Variants in TP73 observed in about 807,000 individuals in gnomAD.
TP73 encodes the protein tumor protein p73.
TP73 carries 25 observed loss-of-function variants against 62.5 expected under a neutral mutation model. The ratio of observed to expected loss-of-function variants is 0.40; its 90% CI spans 0.29 to 0.56. The LOEUF is 0.56. TP73 is among the 20% of genes least tolerant of loss of function. The pLI, the probability that TP73 is intolerant of heterozygous loss-of-function variation, is 0.46. For synonymous variants in TP73, 423 were observed against 377.5 expected (o/e 1.12, Z -1.40); for missense variants, 754 against 913.3 (o/e 0.83, Z 2.25).
At chr1:3,677,024 C>T (rs376696077) in intron 1 of TP73, among the ~76,000 whole-genome samples, 17 of 152,046 alleles carry the variant, frequency 1.1e-4, no homozygotes, top group African/African-American at 3.6e-4. Flanking sequence ...TAGGCTGAGA[C>T]CTCAGAAGGC....
intron 1 of TP73, among the ~76,000 whole-genome samples, chr1:3,679,147 G>A (rs543903384): frequency 3.5e-4 from 53 of 152,230 alleles, no homozygotes; most frequent in Non-Finnish European, 6.5e-4. Flanking sequence ...AGGCAGAGGC[G>A]CGCTGACAAG....
chr1:3,683,460 TAGATCC>T (rs1406590807), intron 3 of TP73, among the ~76,000 whole-genome samples: 2 of 152,076 alleles, frequency 1.3e-5, no homozygotes, highest in Non-Finnish European at 1.5e-5. Flanking sequence ...CAGGCACAGC[TAGATCC>T]AGATGTAGGA....
intron 4 of TP73, among the ~76,000 whole-genome samples, chr1:3,715,254 C>T (rs1029517311): frequency 3.9e-5 from 6 of 152,146 alleles, no homozygotes; most frequent in African/African-American, 1.4e-4. Flanking sequence ...CATGTCCCAC[C>T]TGACACCTCT....
intron 11 of TP73, among the ~76,000 whole-genome samples, chr1:3,730,651 G>C (rs979858914): frequency 1.3e-5 from 2 of 152,156 alleles, no homozygotes; most frequent in Non-Finnish European, 2.9e-5. Context: ...GAGGCCCTGG[G>C]ATGTGGCCAG....
intron 4 of TP73, among the ~76,000 whole-genome samples, chr1:3,713,333 T>G (rs1640318635): frequency 1.3e-5 from 2 of 152,192 alleles, no homozygotes; most frequent in Admixed American, 6.5e-5. Flanking sequence ...CCCTCTGCCT[T>G]CACCCCTCCC....
At position 3,699,347 on chromosome 1, in the gene TP73, G is replaced by A. The variant is rs1463665226; in HGVS notation, c.187-8202G>A. Among the ~76,000 whole-genome samples the A allele has an allele frequency of 6.6e-6, 1 of 152,132 alleles. No individual in the cohort carries two copies. The highest frequency in any genetic ancestry group is 2.4e-5 in the African/African-American group (1 of 41,412). ...AGACATGCCCACGAGAGATCAGGGA[G>A]TTTGAGGAGCGGCATACTCTCAAAA... is the stretch of plus-strand genomic sequence containing the variant. On this transcript the variant is annotated intron_variant, in intron 3 of 13. Transcript: ENST00000378295. The surrounding 1 kb of genome is among the most constrained non-coding windows in gnomAD (Gnocchi z 4.1).
rs536918978 is a variant in TP73, at chr1:3,663,670, C to A, written c.-34+11029C>A. Among the ~76,000 whole-genome samples, 1 of 147,550 alleles carries A rather than the reference C, an allele frequency of 6.8e-6. No homozygotes were observed. Among genetic ancestry groups the A allele is most frequent in the South Asian group, 2.1e-4 (1 of 4,728 alleles). On this transcript the variant is annotated intron_variant, in intron 1 of 13. Coordinates refer to ENST00000378295, the MANE Select transcript of TP73 (RefSeq NM_005427.4). This position sits in a 1 kb window ranked among gnomAD's most constrained non-coding sequence, Gnocchi z 4.7. ...GGTGGAGCTTGCAGTGAGCCAAGATCGTGCAACAATGCGAGACTCCATCTC... is the reference window on the plus strand; with the variant it reads ...GGTGGAGCTTGCAGTGAGCCAAGATAGTGCAACAATGCGAGACTCCATCTC...
At position 3,662,361 on chromosome 1, in the gene TP73, T is replaced by C. The variant is rs1355276883; in HGVS notation, c.-34+9720T>C. ...TGGGAGTCCCACACGGAGATGAAAC[T>C]GGGGGAAGGGGCCAGATGGCGGAGG... On this transcript the variant is annotated intron_variant, in intron 1 of 13. Coordinates refer to ENST00000378295, the MANE Select transcript of TP73 (RefSeq NM_005427.4). This position sits in a 1 kb window ranked among gnomAD's most constrained non-coding sequence, Gnocchi z 4.4. 1 of 152,116 alleles carries C rather than the reference T, an allele frequency of 6.6e-6. No homozygotes were observed. Among genetic ancestry groups the C allele is most frequent in the Non-Finnish European group, 1.5e-5 (1 of 68,046 alleles). The allele number at this position is 152,116 out of a possible 1,614,324, so 9.4% of individuals were successfully genotyped here.
At chr1:3,726,915 A>ATGGATGGG (rs1641694015) in intron 6 of TP73, among the ~76,000 whole-genome samples, 200 bp from the exon 7 acceptor site, 1 of 145,384 alleles carries the variant, frequency 6.9e-6, no homozygotes, top group Non-Finnish European at 1.5e-5. Context: ...GGATGGATGG[A>ATGGATGGG]TGGACGGATG....
chr1:3,698,172 A>T, intron 3 of TP73: 2 of 964,720 alleles, frequency 2.1e-6, no homozygotes, highest in Non-Finnish European at 1.2e-6. Context: ...GGGCAGACAG[A>T]TGGGCAGGGG....
chr1:3,687,785 C>G (rs1427487308), intron 3 of TP73, among the ~76,000 whole-genome samples: 2 of 152,174 alleles, frequency 1.3e-5, no homozygotes, highest in Non-Finnish European at 2.9e-5. Context: ...GCGCCTTTCT[C>G]TGACAACAGG....
chr1:3,712,462 TGGAGGCCCCAAGTGAGGCTGG>T (rs1386973024), intron 4 of TP73: 11 of 152,230 alleles, frequency 7.2e-5, no homozygotes, highest in African/African-American at 2.6e-4. Flanking sequence ...AACTTAGCCT[TGGAGGCCCCAAGTGAGGCTGG>T]GGAGGCCCCA....
intron 3 of TP73, among the ~76,000 whole-genome samples, chr1:3,705,182 G>A (rs1028208837): frequency 1.8e-4 from 28 of 152,236 alleles, no homozygotes; most frequent in African/African-American, 5.3e-4. Context: ...GATTACGGGC[G>A]TCCCCCCGTG....
chr1:3,713,436 T>C (rs1461944786), intron 4 of TP73, among the ~76,000 whole-genome samples: 2 of 152,214 alleles, frequency 1.3e-5, no homozygotes, highest in African/African-American at 4.8e-5. Context: ...GACCCAGTGC[T>C]GACGCCAAGA....
At chr1:3,680,515 C>A (rs1645494931) in intron 1 of TP73, among the ~76,000 whole-genome samples, 1 of 152,198 alleles carries the variant, frequency 6.6e-6, no homozygotes, top group Non-Finnish European at 1.5e-5. Context: ...AAGGGAATTT[C>A]TTTCCTCCGA....
At chr1:3,697,075 C>T (rs1638727160) in intron 3 of TP73, among the ~76,000 whole-genome samples, 1 of 152,224 alleles carries the variant, frequency 6.6e-6, no homozygotes, top group Admixed American at 6.5e-5. Context: ...TTTGCTCAGG[C>T]CAGAGCCCTG....
In TP73 at chr1:3,710,190, A is replaced by T. The variant is rs555752447; in HGVS notation, c.429+2399A>T. Among the ~76,000 whole-genome samples the T allele has an allele frequency of 6.2e-4, 29 of 46,740 alleles. No homozygotes were observed. The East Asian group carries it at 0.015, about 25-fold the overall frequency. The allele number at this position is 46,740 out of a possible 152,430, so 30.7% of individuals were successfully genotyped here. A position where few individuals can be genotyped will look rare whatever the true frequency, so the allele number is the denominator to read the frequency against. On this transcript the variant is annotated intron_variant, in intron 4 of 13. Coordinates refer to ENST00000378295, the MANE Select transcript of TP73 (RefSeq NM_005427.4). ...GCTCCCTCCCTGCTGGGCTCTGTGGATGCTGGGGCGGGGGGAGGGTGGGGG... is the reference window on the plus strand; with the variant it reads ...GCTCCCTCCCTGCTGGGCTCTGTGGTTGCTGGGGCGGGGGGAGGGTGGGGG...
At chr1:3,658,626 T>C (rs2368543) in intron 1 of TP73, among the ~76,000 whole-genome samples, 103,828 of 152,094 alleles carry the variant, frequency 0.68, 35,633 homozygotes, top group Non-Finnish European at 0.72. Flanking sequence ...AATGAAAATG[T>C]CCTTTATAGA....
At chr1:3,700,695 C>A (rs1207137594) in intron 3 of TP73, among the ~76,000 whole-genome samples, 51 of 151,980 alleles carry the variant, frequency 3.4e-4, no homozygotes, top group Admixed American at 3.3e-3. Flanking sequence ...GCAAGATAAT[C>A]GCTTGAACCC....
Sources: allele counts gnomAD v4.1 joint callset (sites outside exome capture counted in the v4.1 genomes callset), GRCh38; gene constraint gnomAD v4.1.1; non-coding constraint Gnocchi (gnomAD v3.1); transcripts MANE v1.5; gene names NCBI Gene and HGNC (gene_info 2026-07-23, HGNC 2026-07-21).